NFKB1: variants seen among roughly 807,000 people sequenced by gnomAD.
NFKB1 encodes nuclear factor NF-kappa-B p105 subunit.
In NFKB1, 9 loss-of-function variants were observed where a neutral mutation model predicts 105.1. The ratio of observed to expected loss-of-function variants is 0.09; its 90% CI spans 0.05 to 0.15. The LOEUF (loss-of-function observed/expected upper bound fraction) is 0.15, where lower values mean the gene tolerates loss of function less well. Ranked by LOEUF, NFKB1 falls within the 10% of genes least tolerant of loss-of-function variation. The pLI is 1.00. For missense variants in NFKB1, 830 were observed against 1,203.7 expected, an observed-to-expected ratio of 0.69 and a Z score of 4.59; for synonymous variants, 440 against 442.2, an observed-to-expected ratio of 1.00 and a Z score of 0.06.
intron 5 of NFKB1, among the ~76,000 whole-genome samples, chr4:102,540,279 G>C (rs1247673286): frequency 1.3e-5 from 2 of 152,008 alleles, no homozygotes; most frequent in African/African-American, 4.8e-5. Flanking sequence ...AAATTTATTG[G>C]CTAAGAAAAA....
chr4:102,595,031 GC>G, intron 13 of NFKB1, 50 bp downstream of exon 13: 2 of 1,268,974 alleles, frequency 1.6e-6, no homozygotes, highest in African/African-American at 1.5e-5. Context: ...AATAATTAAT[GC>G]TAAAAAGGGT....
intron 2 of NFKB1, 82 bp downstream of exon 2, chr4:102,525,639 G>C: frequency 1.6e-6 from 2 of 1,259,750 alleles, no homozygotes; most frequent in African/African-American, 3.1e-5. Context: ...TAGTAAGTTA[G>C]CATTAGGAAA....
At chr4:102,611,671 A>G (rs1560721498) in intron 20 of NFKB1, among the ~76,000 whole-genome samples, 1 of 152,226 alleles carries the variant, frequency 6.6e-6, no homozygotes, top group African/African-American at 2.4e-5. Context: ...GAAGGGAGAC[A>G]GCTTCACAGC....
intron 15 of NFKB1, among the ~76,000 whole-genome samples, chr4:102,597,933 G>A (rs1181493749): frequency 3.3e-5 from 5 of 152,182 alleles, no homozygotes; most frequent in African/African-American, 1.2e-4. Context: ...GTAGGTAATG[G>A]TACTTTTTGA....
intron 16 of NFKB1, among the ~76,000 whole-genome samples, chr4:102,601,881 C>A (rs1727180921): frequency 6.6e-6 from 1 of 152,194 alleles, no homozygotes; most frequent in Admixed American, 6.5e-5. Flanking sequence ...ACTGTCTTTC[C>A]CCTACTCCCA....
chr4:102,537,065 A>G (rs1282053294), intron 4 of NFKB1, among the ~76,000 whole-genome samples: 2 of 152,174 alleles, frequency 1.3e-5, no homozygotes, highest in Admixed American at 6.5e-5. Context: ...GACCTTAAAG[A>G]TGGTCTGGTA....
chr4:102,506,566 T>C (rs1004451916), intron 1 of NFKB1, among the ~76,000 whole-genome samples: 8 of 152,222 alleles, frequency 5.3e-5, no homozygotes, highest in African/African-American at 1.7e-4. Context: ...TTTTCAGTTG[T>C]AGCATTTTTT....
Position 102,612,044 on chromosome 4 carries a change from G to A in NFKB1, c.2353G>A (p.Val785Ile). The A allele has an allele frequency of 6.2e-7, 1 of 1,613,176 alleles. No individual in the cohort carries two copies. The highest frequency in any genetic ancestry group is 8.5e-7 in the Non-Finnish European group (1 of 1,179,204). The change falls in exon 21 of 24, where the codon GTA (valine) becomes ATA (isoleucine). Residue 785 changes from valine (V) to isoleucine (I), a missense_variant and splice_region_variant. By Grantham distance (29) the Val-to-Ile change is conservative (BLOSUM62 3). Transcript: ENST00000226574. ...TPLDMATSWQ[V>I]FDILNGKPYE... is the part of the protein sequence containing the mutation. ...TTTCTGGTGTTTTTCTTTCCAACAGGTATTTGACATATTAAATGGGAAACC... is the reference window on the plus strand; with the variant it reads ...TTTCTGGTGTTTTTCTTTCCAACAGATATTTGACATATTAAATGGGAAACC...
intron 1 of NFKB1, chr4:102,510,954 A>G (rs751238503): frequency 1.0e-4 from 130 of 1,283,754 alleles, no homozygotes; most frequent in Non-Finnish European, 1.3e-4. Flanking sequence ...CACCAGGTAA[A>G]CTAAAAAGAA....
In NFKB1 at chr4:102,576,314, C is replaced by T; in HGVS notation, c.408-562C>T. Among the ~76,000 whole-genome samples, 2 of 152,124 alleles carry T rather than the reference C, an allele frequency of 1.3e-5. 1 individual carries two copies. On this transcript the variant is annotated intron_variant, in intron 6 of 23. Coordinates refer to ENST00000226574, the MANE Select transcript of NFKB1 (RefSeq NM_003998.4). ...ACAATTCAAAAGGAAAATAATCATT[C>T]CAAATATAATATTCTTCTTATTCTT...
intron 5 of NFKB1, among the ~76,000 whole-genome samples, chr4:102,561,184 A>G (rs1723395596): frequency 6.6e-6 from 1 of 152,150 alleles, no homozygotes; most frequent in Non-Finnish European, 1.5e-5. Flanking sequence ...CTCAACAAGT[A>G]ATAAACAATA....
intron 16 of NFKB1, among the ~76,000 whole-genome samples, chr4:102,605,585 G>A (rs2149219473): frequency 6.6e-6 from 1 of 152,326 alleles, no homozygotes; most frequent in Middle Eastern, 3.4e-3. Context: ...GATTGTATTT[G>A]TCTTACTCAT....
rs775886655 is a variant in NFKB1, at chr4:102,616,471, C to T, written c.2787C>T (p.Gly929=). 1.2e-5 allele frequency: 19 copies of T among 1,614,134 alleles called. No homozygotes were observed. Among genetic ancestry groups the T allele is most frequent in the Non-Finnish European group, 1.4e-5 (17 of 1,180,012 alleles). ...LRDSDSVCDS[G]VETSFRKLSF... ...ACAGTGACAGTGTCTGCGACAGCGGCGTGGAGACATCCTTCCGCAAACTCA... is the reference window on the plus strand; with the variant it reads ...ACAGTGACAGTGTCTGCGACAGCGGTGTGGAGACATCCTTCCGCAAACTCA... The change falls in exon 24 of 24, where the codon GGC becomes GGT. Residue 929 remains glycine, a synonymous_variant. Coordinates refer to ENST00000226574, the MANE Select transcript of NFKB1 (RefSeq NM_003998.4).
At chr4:102,581,429 T>A (rs897590392) in intron 9 of NFKB1, among the ~76,000 whole-genome samples, 1 of 152,120 alleles carries the variant, frequency 6.6e-6, no homozygotes, top group Non-Finnish European at 1.5e-5. Context: ...GATTAAATTC[T>A]CTGAGGTATA....
chr4:102,616,564 G>A lies in NFKB1; in HGVS notation c.2880G>A (p.Gly960=), dbSNP rs201094030. Residue 960 remains glycine (G), a synonymous_variant, in exon 24 of 24, where the codon GGG becomes GGA. Coordinates refer to ENST00000226574, the MANE Select transcript of NFKB1 (RefSeq NM_003998.4). ...TCAACAAAATGCCCCATGATTATGG[G>A]CAGGAAGGACCTCTAGAAGGCAAAA... The part of the protein sequence containing the change: ...LTLNKMPHDY[G]QEGPLEGKI 3 of 1,614,092 alleles carry A rather than the reference G, an allele frequency of 1.9e-6. No homozygotes were observed. Among genetic ancestry groups the A allele is most frequent in the South Asian group, 1.1e-5 (1 of 91,076 alleles).
intron 5 of NFKB1, among the ~76,000 whole-genome samples, chr4:102,558,961 G>C (rs1326392097): frequency 6.6e-6 from 1 of 152,194 alleles, no homozygotes; most frequent in Non-Finnish European, 1.5e-5. Context: ...GTTTTGGTAG[G>C]GGTAGAGTGG....
chr4:102,577,894 C>T (rs1724993542), intron 7 of NFKB1: 1 of 985,230 alleles, frequency 1.0e-6, no homozygotes. Context: ...AAGTTTACAT[C>T]TTGTAGCCAG....
At chr4:102,543,520 C>A (rs1721883435) in intron 5 of NFKB1, among the ~76,000 whole-genome samples, 1 of 151,476 alleles carries the variant, frequency 6.6e-6, no homozygotes, top group African/African-American at 2.4e-5. Context: ...GTTGTCTTTC[C>A]TGAGTGTTTT....
At chr4:102,606,379 G>A (rs1413719108) in intron 16 of NFKB1, 117 bp from the exon 17 acceptor site, 1 of 963,634 alleles carries the variant, frequency 1.0e-6, no homozygotes. Context: ...GTTAATCTGG[G>A]AATGAGAAAT....
Sources: allele counts gnomAD v4.1 joint callset (sites outside exome capture counted in the v4.1 genomes callset), GRCh38; gene constraint gnomAD v4.1.1; transcripts MANE v1.5; gene names NCBI Gene and HGNC (gene_info 2026-07-23, HGNC 2026-07-21).